SMAD3: variants seen among roughly 807,000 people sequenced by gnomAD.
SMAD3 encodes SMAD family member 3, also known as MAD homolog 3.
SMAD3 carries 12 observed loss-of-function variants against 51.8 expected under a neutral mutation model. That is an observed-to-expected ratio of 0.23 (90% CI 0.15 to 0.38). The LOEUF is 0.38. SMAD3 is among the 10% of genes least tolerant of loss of function. The probability of loss-of-function intolerance (pLI) is 1.00; values close to 1 mark genes in which losing one functional copy is unlikely to be tolerated. For missense variants in SMAD3, 294 were observed against 565.6 expected, an observed-to-expected ratio of 0.52 and a Z score of 4.87; for synonymous variants, 238 against 227.7, an observed-to-expected ratio of 1.05 and a Z score of -0.41.
At chr15:67,174,018 C>T (rs535248434) in intron 5 of SMAD3, among the ~76,000 whole-genome samples, 24 of 152,316 alleles carry the variant, frequency 1.6e-4, no homozygotes, top group African/African-American at 3.6e-4. Flanking sequence ...AAGCGGCTGG[C>T]GCTGGAGGCG....
At chr15:67,068,106 CA>C (rs1043743429) in intron 1 of SMAD3, among the ~76,000 whole-genome samples, 1 of 151,838 alleles carries the variant, frequency 6.6e-6, no homozygotes, top group Non-Finnish European at 1.5e-5. Context: ...CTGAGGTCCT[CA>C]AAAAAAGACA....
chr15:67,101,138 G>A (rs1960745953), intron 1 of SMAD3, among the ~76,000 whole-genome samples: 2 of 152,192 alleles, frequency 1.3e-5, no homozygotes, highest in South Asian at 4.1e-4. Flanking sequence ...TTCCTGTTGT[G>A]CTACTCGCTT....
intron 1 of SMAD3, among the ~76,000 whole-genome samples, chr15:67,094,455 T>G (rs1414829582): frequency 3.9e-5 from 6 of 152,060 alleles, no homozygotes; most frequent in Non-Finnish European, 5.9e-5. Context: ...TTATTCAAAC[T>G]CTGCTCAAAA....
chr15:67,176,978 G>A (rs1255290978), intron 5 of SMAD3, among the ~76,000 whole-genome samples: 8 of 152,338 alleles, frequency 5.3e-5, no homozygotes, highest in African/African-American at 1.9e-4. Flanking sequence ...GCTCTTCAAT[G>A]GGGTGTGTCA....
intron 1 of SMAD3, among the ~76,000 whole-genome samples, chr15:67,075,674 G>A (rs1025439582): frequency 8.5e-5 from 13 of 152,276 alleles, no homozygotes; most frequent in African/African-American, 3.1e-4. Context: ...CAGCACTTTG[G>A]GAGGCCAAGG....
At chr15:67,122,469 G>T (rs182964615) in intron 1 of SMAD3, among the ~76,000 whole-genome samples, 5 of 152,288 alleles carry the variant, frequency 3.3e-5, no homozygotes, top group Admixed American at 6.5e-5. Flanking sequence ...GGGATTTATG[G>T]AGCTGGTGAT....
In SMAD3 at chr15:67,185,361, G is replaced by A. The variant is rs146770249; in HGVS notation, c.1009+497G>A. The stretch of plus-strand genomic sequence containing the variant: ...CCCATTTAGCTGTTGGGATGGATCA[G>A]GGAAGTCTTCATGGAGGAGAAACAT... On this transcript the variant is annotated intron_variant, in intron 7 of 8. Coordinates refer to ENST00000327367, the MANE Select transcript of SMAD3 (RefSeq NM_005902.4). Among the ~76,000 whole-genome samples, 365 of 152,314 alleles carry A rather than the reference G, an allele frequency of 2.4e-3. 4 individuals are homozygous for A. The South Asian group carries it at 0.027, about 11-fold the overall frequency.
chr15:67,140,418 C>T (rs1413441447), intron 1 of SMAD3, among the ~76,000 whole-genome samples: 1 of 152,126 alleles, frequency 6.6e-6, no homozygotes, highest in African/African-American at 2.4e-5. Context: ...CTCTTTATTC[C>T]ACCGTTCTCT....
At chr15:67,173,116 G>A (rs192389447) in intron 5 of SMAD3, among the ~76,000 whole-genome samples, 8 of 152,280 alleles carry the variant, frequency 5.3e-5, no homozygotes, top group Admixed American at 2.6e-4. Flanking sequence ...CTGAGGGTTC[G>A]AGGGATGGAG....
At chr15:67,101,423 G>T (rs1349314999) in intron 1 of SMAD3, among the ~76,000 whole-genome samples, 1 of 152,110 alleles carries the variant, frequency 6.6e-6, no homozygotes, top group Admixed American at 6.5e-5. Context: ...TCAGAAAAAG[G>T]TTTCAAATTT....
rs368617653 is a variant in SMAD3, at chr15:67,148,605, C to A, written c.207-16290C>A. Among the ~76,000 whole-genome samples, 85 of 152,308 alleles carry A rather than the reference C, an allele frequency of 5.6e-4. 2 individuals carry two copies. Among genetic ancestry groups the A allele is most frequent in the African/African-American group, 1.9e-3 (80 of 41,566 alleles). On this transcript the variant is annotated intron_variant, in intron 1 of 8. Transcript: ENST00000327367. ...CTAACTGGCACCTGTGGCTGTCATTCCCCTGCTGTTTTTAATTGCACCTCT... is the reference window on the plus strand; with the variant it reads ...CTAACTGGCACCTGTGGCTGTCATTACCCTGCTGTTTTTAATTGCACCTCT...
chr15:67,177,419 T>C (rs1220259235), intron 5 of SMAD3, among the ~76,000 whole-genome samples: 1 of 94,022 alleles, frequency 1.1e-5, no homozygotes, highest in African/African-American at 4.2e-5. Flanking sequence ...TTTAGTGTTT[T>C]GGGTTTTTTT....
At position 67,194,076 on chromosome 15, in the gene SMAD3, AAG is replaced by A. The variant is rs1347401300; in HGVS notation, c.*3545_*3546del. The A allele has an allele frequency of 4.3e-6, 1 of 233,252 alleles. No homozygotes were observed. Among genetic ancestry groups the A allele is most frequent in the Non-Finnish European group, 8.5e-6 (1 of 118,024 alleles). The allele number at this position is 233,252 out of a possible 1,614,324, so 14.4% of individuals were successfully genotyped here. A position where few individuals can be genotyped will look rare whatever the true frequency, so the allele number is the denominator to read the frequency against. On this transcript the variant is annotated 3_prime_UTR_variant, in exon 9 of 9. Coordinates refer to ENST00000327367, the MANE Select transcript of SMAD3 (RefSeq NM_005902.4). The stretch of plus-strand genomic sequence containing the variant: ...GTTCACCAAGGGGGATACCAGCAGC[AAG>A]AGAGTGCACCCGTTTAGCCCTGGAC...
At chr15:67,099,981 A>G (rs943460643) in intron 1 of SMAD3, among the ~76,000 whole-genome samples, 3 of 152,186 alleles carry the variant, frequency 2.0e-5, no homozygotes, top group Non-Finnish European at 4.4e-5. Flanking sequence ...CAGGAGTTCA[A>G]GACCATCCTG....
At chr15:67,073,219 T>G (rs1019916779) in intron 1 of SMAD3, among the ~76,000 whole-genome samples, 4 of 152,226 alleles carry the variant, frequency 2.6e-5, no homozygotes, top group Non-Finnish European at 5.9e-5. Flanking sequence ...TAATCCTTTG[T>G]TTCGACTTAA....
At chr15:67,088,450 G>A (rs1162628752) in intron 1 of SMAD3, among the ~76,000 whole-genome samples, 3 of 152,206 alleles carry the variant, frequency 2.0e-5, no homozygotes, top group East Asian at 1.9e-4. Context: ...GGAGGCAGGC[G>A]AGAAAAGCTG....
At chr15:67,084,584 T>G (rs977771079) in intron 1 of SMAD3, among the ~76,000 whole-genome samples, 26 of 152,156 alleles carry the variant, frequency 1.7e-4, no homozygotes, top group African/African-American at 6.0e-4. Context: ...GCTTCTTTTG[T>G]TGGTGGTGGT....
Position 67,137,903 on chromosome 15 carries a change from G to T in SMAD3, c.207-26992G>T, listed in dbSNP as rs1325518769. ...GATTTCTTCTGTCTGGGTGTTGCCA[G>T]GGCTCTTCTGTTAGCGACAGAGAAA... On this transcript the variant is annotated intron_variant, in intron 1 of 8. Transcript: ENST00000327367. 7.3e-6 allele frequency: 5 copies of T among 681,736 alleles called. No homozygotes were observed. In the Admixed American group the frequency reaches 1.1e-4, roughly 15 times the overall value. The allele number at this position is 681,736 out of a possible 1,614,324, so 42.2% of individuals were successfully genotyped here. A position where few individuals can be genotyped will look rare whatever the true frequency, so the allele number is the denominator to read the frequency against.
intron 1 of SMAD3, among the ~76,000 whole-genome samples, chr15:67,126,839 G>A (rs958940379): frequency 1.3e-5 from 2 of 152,178 alleles, no homozygotes; most frequent in Non-Finnish European, 2.9e-5. Context: ...GTGAATGGTG[G>A]GGCCTCACTG....
Sources: allele counts gnomAD v4.1 joint callset (sites outside exome capture counted in the v4.1 genomes callset), GRCh38; gene constraint gnomAD v4.1.1; transcripts MANE v1.5; gene names NCBI Gene and HGNC (gene_info 2026-07-23, HGNC 2026-07-21).